Variants in ATP2B3 observed in about 807,000 individuals in gnomAD.
The protein encoded by ATP2B3 is plasma membrane calcium-transporting ATPase 3.
ATP2B3 carries 12 observed loss-of-function variants against 70.8 expected under a neutral mutation model. The ratio of observed to expected loss-of-function variants is 0.17; its 90% CI spans 0.11 to 0.27. The LOEUF is 0.27. Ranked by LOEUF, ATP2B3 falls within the 10% of genes least tolerant of loss-of-function variation. The probability of loss-of-function intolerance (pLI) is 1.00; values close to 1 mark genes in which losing one functional copy is unlikely to be tolerated. For synonymous variants in ATP2B3, 460 were observed against 497.8 expected (o/e 0.92, Z 1.01); for missense variants, 858 against 1,118.5 (o/e 0.77, Z 3.32).
chrX:153,555,986 A>T, intron 13 of ATP2B3, 63 bp from the exon 14 acceptor site: 1 of 1,171,100 alleles, frequency 8.5e-7, no homozygotes, highest in Non-Finnish European at 1.2e-6. Flanking sequence ...AGGAAGGGGT[A>T]CTGCCTCAAC....
intron 20 of ATP2B3, among the ~76,000 whole-genome samples, chrX:153,564,316 C>T (rs5987095): frequency 0.45 from 50,358 of 111,906 alleles, 8,871 homozygotes; most frequent in South Asian, 0.6. Flanking sequence ...ACCCAGGCCC[C>T]GGTGTCCAGG....
chrX:153,549,441 ACTC>A (rs1461814402), intron 10 of ATP2B3, 53 bp from the exon 11 acceptor site: 104 of 1,200,863 alleles, frequency 8.7e-5, no homozygotes, highest in Non-Finnish European at 1.1e-4. Context: ...GACATCTCTC[ACTC>A]CTCCACCCCA....
Position 153,550,246 on chromosome X carries a change from C to T in ATP2B3, c.1783C>T (p.Arg595Cys). ...TVIRMPDGGF[R>C]LFSKGASEIL... ...CATCCGCATGCCCGACGGTGGCTTCCGCCTCTTCAGCAAGGGGGCCTCAGA... is the reference window on the plus strand; with the variant it reads ...CATCCGCATGCCCGACGGTGGCTTCTGCCTCTTCAGCAAGGGGGCCTCAGA... The change falls in exon 12 of 22, where the codon CGC (arginine) becomes TGC (cysteine). Residue 595 changes from arginine (R) to cysteine (C), a missense_variant. Physicochemically the swap from Arg to Cys is radical, Grantham distance 180. This residue lies in a region of ATP2B3 where 242 missense variants were observed against 281.3 expected (regional missense o/e 0.86). Coordinates refer to ENST00000263519, the MANE Select transcript of ATP2B3 (RefSeq NM_001001344.3). 3 of 1,212,360 alleles carry T rather than the reference C, an allele frequency of 2.5e-6. No homozygotes were observed. Among genetic ancestry groups the T allele is most frequent in the Non-Finnish European group, 3.3e-6 (3 of 895,570 alleles).
intron 21 of ATP2B3, among the ~76,000 whole-genome samples, chrX:153,567,258 T>C (rs1333981575): frequency 8.8e-6 from 1 of 113,369 alleles, no homozygotes; most frequent in Non-Finnish European, 1.9e-5. Flanking sequence ...CTGCAATAAA[T>C]ATTTCTGCGC....
intron 2 of ATP2B3, among the ~76,000 whole-genome samples, chrX:153,519,827 C>T (rs782467712): frequency 2.8e-5 from 3 of 108,744 alleles, no homozygotes; most frequent in African/African-American, 9.9e-5. Flanking sequence ...GGAAGTGGGG[C>T]GGGCGTGGGA....
At chrX:153,523,968 T>G (rs940413643) in intron 2 of ATP2B3, among the ~76,000 whole-genome samples, 12 of 111,896 alleles carry the variant, frequency 1.1e-4, no homozygotes, top group Admixed American at 6.7e-4. Flanking sequence ...AGTGCTGGAA[T>G]GAAAGGCGTT....
rs782754893 is a variant in ATP2B3 at position 153,565,392 on chromosome X, C to T, written c.3342+289C>T. 4.4e-5 allele frequency among the ~76,000 whole-genome samples: 5 copies of T among 113,263 alleles called. No individual in the cohort carries two copies. In the East Asian group the frequency reaches 1.4e-3, roughly 31 times the overall value. The stretch of plus-strand genomic sequence containing the variant: ...GTGACTAATGGCTCTCTCAGAGGCA[C>T]AGGCCAGCACCGTCCTCATCACTGC... On this transcript the variant is annotated intron_variant, in intron 21 of 21. Coordinates refer to ENST00000263519, the MANE Select transcript of ATP2B3 (RefSeq NM_001001344.3).
chrX:153,538,499 A>G (rs1157778384), intron 3 of ATP2B3, among the ~76,000 whole-genome samples: 1 of 113,219 alleles, frequency 8.8e-6, no homozygotes, highest in Non-Finnish European at 1.9e-5. Flanking sequence ...CCTGGGTCTC[A>G]GGCTGAACTC....
intron 18 of ATP2B3, 81 bp from the exon 19 acceptor site, chrX:153,560,595 G>T (rs2090610115): frequency 9.5e-7 from 1 of 1,052,290 alleles, no homozygotes; most frequent in Non-Finnish European, 1.3e-6. Context: ...CATCTCGGGA[G>T]CTACACACCG....
chrX:153,527,194 A>T (rs947698510), intron 2 of ATP2B3, among the ~76,000 whole-genome samples: 2 of 112,645 alleles, frequency 1.8e-5, no homozygotes, highest in South Asian at 7.3e-4. Flanking sequence ...AGCCGGGCCG[A>T]CTTGGGGCAC....
chrX:153,569,831 C>A, intron 21 of ATP2B3: 1 of 1,109,013 alleles, frequency 9.0e-7, no homozygotes, highest in Admixed American at 2.3e-5. Context: ...TCGGCCTTCT[C>A]TCTTTTGCAG....
intron 3 of ATP2B3, among the ~76,000 whole-genome samples, chrX:153,538,964 G>C (rs1443635577): frequency 1.8e-5 from 2 of 113,036 alleles, no homozygotes; most frequent in Non-Finnish European, 3.8e-5. Context: ...GACAAACTGG[G>C]CATGTGAGGA....
intron 2 of ATP2B3, among the ~76,000 whole-genome samples, chrX:153,531,077 G>A (rs1169203049): frequency 8.9e-6 from 1 of 112,887 alleles, no homozygotes; most frequent in Non-Finnish European, 1.9e-5. Flanking sequence ...AAGCAGAGGG[G>A]AGGGGGCAGG....
Position 153,565,080 on chromosome X carries a change from G to C in ATP2B3, c.3319G>C (p.Gly1107Arg), listed in dbSNP as rs2090684736. ...CAGGGGCCAGATCCTCTGGTTCCGGGGCCTGAACCGGATTCAGACGCAGGT... is the reference window on the plus strand; with the variant it reads ...CAGGGGCCAGATCCTCTGGTTCCGGCGCCTGAACCGGATTCAGACGCAGGT... ...LRRGQILWFR[G>R]LNRIQTQIRV... Residue 1107 changes from glycine (G) to arginine (R), a missense_variant, in exon 21 of 22, where the codon GGC becomes CGC. This residue lies in a region of ATP2B3 where 265 missense variants were observed against 305.3 expected (regional missense o/e 0.87). Coordinates refer to ENST00000263519, the MANE Select transcript of ATP2B3 (RefSeq NM_001001344.3). 1 of 1,189,520 alleles carries C rather than the reference G, an allele frequency of 8.4e-7. No individual in the cohort carries two copies. Among genetic ancestry groups the C allele is most frequent in the Non-Finnish European group, 1.1e-6 (1 of 884,351 alleles).
At chrX:153,538,370 G>A (rs782780095) in intron 3 of ATP2B3, among the ~76,000 whole-genome samples, 33 of 113,085 alleles carry the variant, frequency 2.9e-4, no homozygotes, top group Non-Finnish European at 6.0e-4. Context: ...AGTGCATTGC[G>A]GGAAGGGGAC....
At chrX:153,522,953 C>T (rs1767492273) in intron 2 of ATP2B3, among the ~76,000 whole-genome samples, 2 of 110,395 alleles carry the variant, frequency 1.8e-5, no homozygotes, top group South Asian at 7.7e-4. Flanking sequence ...AATATGCTCT[C>T]TATAGGAAAC....
At chrX:153,563,136 C>CTTTTT (rs36131654) in intron 20 of ATP2B3, among the ~76,000 whole-genome samples, 3,664 of 48,447 alleles carry the variant, frequency 0.076, 115 homozygotes, top group East Asian at 0.08. Context: ...CTGGCTTTTC[C>CTTTTT]TTTTTTTTTT....
At chrX:153,532,661 T>C (rs994152620) in intron 2 of ATP2B3, among the ~76,000 whole-genome samples, 1 of 112,061 alleles carries the variant, frequency 8.9e-6, no homozygotes, top group Admixed American at 9.3e-5. Flanking sequence ...GCCCCCTCTG[T>C]GGAGGTTCTC....
rs147630929 is a variant in ATP2B3, at chrX:153,565,114, A to C, written c.3342+11A>C. 1.4e-4 allele frequency: 168 copies of C among 1,165,462 alleles called. 1 individual carries two copies. In the African/African-American group the frequency reaches 2.2e-3, roughly 15 times the overall value. ...CGGATTCAGACGCAGGTAAGCCCCG[A>C]CTCGCTCTCGCCCTGGCACTTCCAC... On this transcript the variant is annotated intron_variant, in intron 21 of 21. Transcript: ENST00000263519.
Sources: allele counts gnomAD v4.1 joint callset (sites outside exome capture counted in the v4.1 genomes callset), GRCh38; gene constraint gnomAD v4.1.1; regional missense constraint gnomAD v4.1.1; transcripts MANE v1.5; gene names NCBI Gene and HGNC (gene_info 2026-07-23, HGNC 2026-07-21).